RAD51B: variants seen among roughly 807,000 people sequenced by gnomAD.
The protein encoded by RAD51B is DNA repair protein RAD51 homolog 2.
In RAD51B, 38 loss-of-function variants were observed where a neutral mutation model predicts 42.2. The observed-to-expected ratio is 0.90, with a 90% CI of 0.70 to 1.18. RAD51B has a LOEUF of 1.18. Ranked by LOEUF, RAD51B falls within the 50% of genes most tolerant of loss-of-function variation. The pLI is 0.00. For synonymous variants in RAD51B, 154 were observed against 145.2 expected (o/e 1.06, Z -0.43); for missense variants, 373 against 400.7 (o/e 0.93, Z 0.59).
At chr14:68,096,726 T>C (rs1204821511) in intron 7 of RAD51B, among the ~76,000 whole-genome samples, 1 of 152,234 alleles carries the variant, frequency 6.6e-6, no homozygotes, top group Admixed American at 6.5e-5. Context: ...TGATTGTATT[T>C]TCCTCTTTAC....
At chr14:68,202,573 CTTTTTTT>C (rs145298493) in intron 7 of RAD51B, among the ~76,000 whole-genome samples, 1 of 81,612 alleles carries the variant, frequency 1.2e-5, no homozygotes, top group Non-Finnish European at 2.4e-5. Flanking sequence ...GAAGCAACGT[CTTTTTTT>C]TTTTTTTTTT....
At chr14:68,295,762 C>T (rs1007404981) in intron 8 of RAD51B, among the ~76,000 whole-genome samples, 3 of 152,148 alleles carry the variant, frequency 2.0e-5, no homozygotes, top group Admixed American at 6.6e-5. Flanking sequence ...ATCATTTTAT[C>T]GCTGGCTGCT....
rs571553935 is a variant in RAD51B, at chr14:68,205,189, T to C, written c.757-86695T>C. Among the ~76,000 whole-genome samples the C allele has an allele frequency of 5.3e-5, 8 of 152,338 alleles. No homozygotes were observed. The South Asian group carries it at 1.0e-3, about 20-fold the overall frequency. ...TAAGTTCTAAGAAGTTAGACACTTA[T>C]TTATTTTAGGTGTTATACAGTCCAT... is the stretch of plus-strand genomic sequence containing the variant. On this transcript the variant is annotated intron_variant, in intron 7 of 10. Transcript: ENST00000471583.
chr14:67,948,305 G>A (rs1400430375), intron 7 of RAD51B, among the ~76,000 whole-genome samples: 6 of 152,146 alleles, frequency 3.9e-5, no homozygotes, highest in Admixed American at 3.3e-4. Flanking sequence ...AACTTCTCTG[G>A]TTGTAGAAAT....
At chr14:67,874,662 T>A (rs770326982) in intron 5 of RAD51B, among the ~76,000 whole-genome samples, 7 of 152,034 alleles carry the variant, frequency 4.6e-5, no homozygotes, top group Non-Finnish European at 7.4e-5. Flanking sequence ...GATCTGCTGT[T>A]TTTTTGTTGT....
At position 67,993,384 on chromosome 14, in the gene RAD51B, A is replaced by G. The variant is rs538582209; in HGVS notation, c.756+106180A>G. ...TCTGGTCACCATCATTCTACTCTCT[A>G]TTTCCATGAGTTCAATTATTTTAAT... is the stretch of plus-strand genomic sequence containing the variant. On this transcript the variant is annotated intron_variant, in intron 7 of 10. Coordinates refer to ENST00000471583, the MANE Select transcript of RAD51B (RefSeq NM_133510.4). Among the ~76,000 whole-genome samples, 8 of 152,024 alleles carry G rather than the reference A, an allele frequency of 5.3e-5. No homozygotes were observed. The South Asian group carries it at 1.7e-3, about 32-fold the overall frequency.
At chr14:68,261,844 A>T (rs1420414504) in intron 7 of RAD51B, among the ~76,000 whole-genome samples, 1 of 151,566 alleles carries the variant, frequency 6.6e-6, no homozygotes, top group African/African-American at 2.4e-5. Flanking sequence ...TGTGAGAAGA[A>T]AAGAGGTGAG....
chr14:68,438,971 A>G (rs4902587), intron 9 of RAD51B, among the ~76,000 whole-genome samples: 129,401 of 152,078 alleles, frequency 0.85, 55,348 homozygotes, highest in East Asian at 0.97. Flanking sequence ...GCTTTCGTGG[A>G]TCATGCCAGT....
At chr14:68,457,822 C>A (rs1220993957) in intron 9 of RAD51B, among the ~76,000 whole-genome samples, 2 of 147,104 alleles carry the variant, frequency 1.4e-5, no homozygotes, top group African/African-American at 5.0e-5. Context: ...ACTATGTTAC[C>A]CAGGATGGTC....
chr14:68,129,118 G>A (rs11158721), intron 7 of RAD51B, among the ~76,000 whole-genome samples: 15,172 of 152,086 alleles, frequency 0.1, 2,261 homozygotes, highest in African/African-American at 0.33. Flanking sequence ...TAGATGAGGA[G>A]ATCGGCTCTG....
intron 7 of RAD51B, among the ~76,000 whole-genome samples, chr14:68,075,079 A>T (rs909227653): frequency 1.1e-4 from 16 of 152,160 alleles, no homozygotes; most frequent in African/African-American, 3.9e-4. Context: ...GATGGCAGAG[A>T]GCCTTTCACT....
intron 8 of RAD51B, among the ~76,000 whole-genome samples, chr14:68,304,835 G>A (rs1376391736): frequency 1.3e-5 from 2 of 152,290 alleles, no homozygotes; most frequent in Middle Eastern, 3.4e-3. Flanking sequence ...AAATTGGTAT[G>A]TTCAAGCCTC....
At chr14:68,119,144 A>C (rs1566659060) in intron 7 of RAD51B, among the ~76,000 whole-genome samples, 1 of 151,682 alleles carries the variant, frequency 6.6e-6, no homozygotes, top group South Asian at 2.1e-4. Flanking sequence ...ACAGGGTGTC[A>C]CCATGTTGTC....
intron 8 of RAD51B, among the ~76,000 whole-genome samples, chr14:68,383,385 A>G (rs1260178408): frequency 6.6e-6 from 1 of 152,176 alleles, no homozygotes; most frequent in African/African-American, 2.4e-5. Flanking sequence ...TAAGCATCCT[A>G]CAATAAACAG....
chr14:68,263,799 A>T (rs2080932796), intron 7 of RAD51B, among the ~76,000 whole-genome samples: 1 of 152,224 alleles, frequency 6.6e-6, no homozygotes, highest in Admixed American at 6.5e-5. Context: ...TGTGGAAAAC[A>T]TCTGGTTTAA....
chr14:67,868,724 C>T (rs1296212132), intron 5 of RAD51B, among the ~76,000 whole-genome samples: 22 of 152,396 alleles, frequency 1.4e-4, no homozygotes, highest in South Asian at 4.1e-4. Context: ...TCTCCCAGCA[C>T]GCAGCTGGAG....
At chr14:68,286,586 C>T (rs973538504) in intron 7 of RAD51B, among the ~76,000 whole-genome samples, 3 of 152,218 alleles carry the variant, frequency 2.0e-5, no homozygotes, top group South Asian at 4.1e-4. Flanking sequence ...CCAATTTTCT[C>T]TTCACCTGTA....
intron 7 of RAD51B, among the ~76,000 whole-genome samples, chr14:68,192,939 C>T (rs770903953): frequency 6.6e-5 from 10 of 152,152 alleles, no homozygotes; most frequent in Non-Finnish European, 1.2e-4. Context: ...TGATTGTCAG[C>T]TTCATCCTAA....
intron 7 of RAD51B, among the ~76,000 whole-genome samples, chr14:67,964,513 G>A (rs752037995): frequency 6.6e-6 from 1 of 151,786 alleles, no homozygotes; most frequent in African/African-American, 2.4e-5. Context: ...ATGCCTACAG[G>A]GCACACCCCA....
Sources: gnomAD v4.1 joint callset for allele counts (sites outside exome capture counted in the v4.1 genomes callset) on GRCh38, gnomAD v4.1.1 for gene constraint, MANE v1.5 for transcripts, NCBI Gene and HGNC (gene_info 2026-07-23, HGNC 2026-07-21) for gene names.